Variants in PASD1 observed in about 807,000 individuals in gnomAD.
PASD1 encodes circadian clock protein PASD1.
Under a neutral mutation model 58.8 loss-of-function variants are expected in PASD1, and 13 were observed. The ratio of observed to expected loss-of-function variants is 0.22; its 90% CI spans 0.14 to 0.35. The LOEUF (loss-of-function observed/expected upper bound fraction) is 0.35. Ranked by LOEUF, PASD1 falls within the 10% of genes least tolerant of loss-of-function variation. The pLI, the probability that PASD1 is intolerant of heterozygous loss-of-function variation, is 1.00. For synonymous variants in PASD1, 236 were observed against 216.7 expected, an observed-to-expected ratio of 1.09 and a Z score of -0.78; for missense variants, 734 against 568.3, an observed-to-expected ratio of 1.29 and a Z score of -2.96.
intron 1 of PASD1, among the ~76,000 whole-genome samples, chrX:151,599,798 G>A (rs1202071290): frequency 9.1e-6 from 1 of 109,580 alleles, no homozygotes; most frequent in Non-Finnish European, 1.9e-5. Context: ...GCCGGGCAGA[G>A]GGCCTCCTCA....
At chrX:151,575,744 C>G (rs1038133924) in intron 1 of PASD1, among the ~76,000 whole-genome samples, 2 of 111,063 alleles carry the variant, frequency 1.8e-5, no homozygotes, top group African/African-American at 6.6e-5. Context: ...GCCTCGACTT[C>G]CAGGGCTCAA....
intron 8 of PASD1, among the ~76,000 whole-genome samples, chrX:151,626,814 G>C (rs892858874): frequency 8.9e-6 from 1 of 111,835 alleles, no homozygotes; most frequent in Non-Finnish European, 1.9e-5. Flanking sequence ...TCGGGGGCAG[G>C]AGGAGGTAAG....
intron 3 of PASD1, among the ~76,000 whole-genome samples, chrX:151,609,134 C>T (rs2013521570): frequency 9.0e-6 from 1 of 110,814 alleles, no homozygotes; most frequent in South Asian, 3.8e-4. Flanking sequence ...TTATTTAATT[C>T]ATTGATTTGT....
chrX:151,650,458 C>T (rs1454025660), intron 9 of PASD1, among the ~76,000 whole-genome samples: 1 of 111,097 alleles, frequency 9.0e-6, no homozygotes, highest in Non-Finnish European at 1.9e-5. Context: ...CCCATTCAGT[C>T]TTAGTCCACC....
intron 1 of PASD1, among the ~76,000 whole-genome samples, chrX:151,564,727 A>G (rs1052729796): frequency 1.8e-5 from 2 of 109,330 alleles, no homozygotes; most frequent in Admixed American, 9.8e-5. Context: ...TAAAAAAAAA[A>G]AAAAAATTAG....
intron 12 of PASD1, 130 bp downstream of exon 12, chrX:151,671,326 C>A: frequency 1.2e-6 from 1 of 814,629 alleles, no homozygotes. Flanking sequence ...CAGCTGCTGC[C>A]CACAGGGTGA....
intron 7 of PASD1, among the ~76,000 whole-genome samples, chrX:151,624,497 T>C (rs184613050): frequency 8.2e-4 from 92 of 112,097 alleles, no homozygotes; most frequent in African/African-American, 2.9e-3. Context: ...TCTGTGACCT[T>C]GGCCAAGTCA....
At chrX:151,654,665 G>T (rs1250808114) in intron 9 of PASD1, among the ~76,000 whole-genome samples, 1 of 111,819 alleles carries the variant, frequency 8.9e-6, no homozygotes, top group Non-Finnish European at 1.9e-5. Flanking sequence ...GACCATTAGA[G>T]TTAGGACCTG....
chrX:151,567,178 C>T (rs1370124276), intron 1 of PASD1, among the ~76,000 whole-genome samples: 2 of 111,436 alleles, frequency 1.8e-5, no homozygotes, highest in Non-Finnish European at 3.8e-5. Flanking sequence ...CCATACGTAC[C>T]ACACCTGATT....
chrX:151,621,458 T>C (rs761418132), intron 5 of PASD1, 24 bp from the exon 6 acceptor site: 27 of 1,091,213 alleles, frequency 2.5e-5, no homozygotes, highest in Non-Finnish European at 3.3e-5. Flanking sequence ...TAGACTTGTT[T>C]TGTATTTCTT....
At chrX:151,577,826 C>T (rs1362483009) in intron 1 of PASD1, among the ~76,000 whole-genome samples, 2 of 111,916 alleles carry the variant, frequency 1.8e-5, no homozygotes, top group Non-Finnish European at 3.8e-5. Flanking sequence ...GCGCCCGGCC[C>T]TGAGAGTCCT....
At chrX:151,647,253 A>G (rs1163489051) in intron 8 of PASD1, among the ~76,000 whole-genome samples, 2 of 112,144 alleles carry the variant, frequency 1.8e-5, no homozygotes, top group Admixed American at 1.9e-4. Flanking sequence ...CAGAACTCCA[A>G]GAGCAGCCCT....
chrX:151,596,888 T>A (rs184203554), intron 1 of PASD1, among the ~76,000 whole-genome samples: 182 of 112,429 alleles, frequency 1.6e-3, no homozygotes, highest in African/African-American at 5.2e-3. Flanking sequence ...TTTTCAAAAA[T>A]CATATGTGTG....
intron 8 of PASD1, among the ~76,000 whole-genome samples, chrX:151,626,572 T>C (rs1296770483): frequency 8.9e-6 from 1 of 111,769 alleles, no homozygotes; most frequent in African/African-American, 3.3e-5. Context: ...GTGTCTAGTA[T>C]TGGGAGGGGA....
chrX:151,616,034 C>T (rs1397045210), intron 4 of PASD1, among the ~76,000 whole-genome samples: 1 of 111,748 alleles, frequency 8.9e-6, no homozygotes, highest in Non-Finnish European at 1.9e-5. Flanking sequence ...AAAGGTACAG[C>T]AAAGAGGACA....
chrX:151,658,230 AG>A (rs2014271361), intron 9 of PASD1, among the ~76,000 whole-genome samples: 1 of 112,353 alleles, frequency 8.9e-6, no homozygotes, highest in Non-Finnish European at 1.9e-5. Flanking sequence ...AAACTGTAAA[AG>A]CATGTTGATT....
chrX:151,597,775 G>A (rs2013340819), intron 1 of PASD1, among the ~76,000 whole-genome samples: 1 of 111,639 alleles, frequency 9.0e-6, no homozygotes, highest in Non-Finnish European at 1.9e-5. Context: ...CAGTCGCCTA[G>A]GCTGGAGTGC....
chrX:151,613,866 A>C (rs2013601674), intron 4 of PASD1, among the ~76,000 whole-genome samples: 2 of 111,959 alleles, frequency 1.8e-5, no homozygotes, highest in Non-Finnish European at 1.9e-5. Flanking sequence ...TTATAGTTTT[A>C]GAGTCTGAGA....
At position 151,676,043 on chromosome X, in the gene PASD1, C is replaced by G; in HGVS notation, c.2222C>G (p.Ala741Gly). Residue 741 changes from alanine to glycine, a missense_variant, in exon 16 of 16, where the codon GCT (alanine) becomes GGT (glycine). Transcript: ENST00000370357. ...VGVEGPPDPQ[A>G]FQGPAAYQPD... ...GTCGAGGGACCTCCTGATCCACAGG[C>G]TTTCCAAGGCCCTGCTGCATACCAG... 8.3e-7 allele frequency: 1 copy of G among 1,211,366 alleles called. No individual in the cohort carries two copies. The highest frequency in any genetic ancestry group is 1.1e-6 in the Non-Finnish European group (1 of 894,950).
Sources: gnomAD v4.1 joint callset for allele counts (sites outside exome capture counted in the v4.1 genomes callset) on GRCh38, gnomAD v4.1.1 for gene constraint, MANE v1.5 for transcripts, NCBI Gene and HGNC (gene_info 2026-07-23, HGNC 2026-07-21) for gene names.